SLMAP: variants seen among roughly 807,000 people sequenced by gnomAD.
The protein encoded by SLMAP is sarcolemmal membrane-associated protein.
A neutral mutation model predicts 128.8 loss-of-function variants in SLMAP; 44 were observed. The ratio of observed to expected loss-of-function variants is 0.34; its 90% confidence interval spans 0.27 to 0.44. The LOEUF is 0.44. SLMAP is among the 20% of genes least tolerant of loss of function. The probability of loss-of-function intolerance (pLI) is 1.00; values close to 1 mark genes in which losing one functional copy is unlikely to be tolerated. For synonymous variants in SLMAP, 327 were observed against 348.8 expected (o/e 0.94, Z 0.70); for missense variants, 787 against 985.3 (o/e 0.80, Z 2.69).
chr3:57,772,078 TA>T (rs1189214456), intron 2 of SLMAP, among the ~76,000 whole-genome samples: 1 of 152,326 alleles, frequency 6.6e-6, no homozygotes, highest in East Asian at 1.9e-4. Context: ...ATTGGAAAGC[TA>T]AAGCTAACTC....
chr3:57,865,161 C>T, intron 12 of SLMAP, 81 bp from the exon 13 acceptor site: 1 of 722,726 alleles, frequency 1.4e-6, no homozygotes, highest in Non-Finnish European at 2.3e-6. Flanking sequence ...CTTAGGAATG[C>T]AGAATGCCAT....
chr3:57,777,390 T>C (rs1224666193), intron 2 of SLMAP, among the ~76,000 whole-genome samples: 2 of 152,106 alleles, frequency 1.3e-5, no homozygotes, highest in African/African-American at 4.8e-5. Flanking sequence ...AAAAGATTAA[T>C]ACATTCAAAT....
intron 17 of SLMAP, among the ~76,000 whole-genome samples, chr3:57,904,710 C>A (rs983188774): frequency 6.6e-6 from 1 of 152,018 alleles, no homozygotes; most frequent in African/African-American, 2.4e-5. Context: ...GAGTTTATCT[C>A]CCAGGGGACA....
chr3:57,774,997 A>G (rs1225264616), intron 2 of SLMAP, among the ~76,000 whole-genome samples: 1 of 152,134 alleles, frequency 6.6e-6, no homozygotes, highest in Non-Finnish European at 1.5e-5. Flanking sequence ...TTATTCCCCA[A>G]ACCAAATATT....
At chr3:57,810,216 C>T (rs1006943880) in intron 2 of SLMAP, among the ~76,000 whole-genome samples, 2 of 152,296 alleles carry the variant, frequency 1.3e-5, no homozygotes, top group South Asian at 4.1e-4. Context: ...CTGGAGCTGC[C>T]CGCCCCACTG....
chr3:57,867,379 G>A (rs2095334648), intron 13 of SLMAP, among the ~76,000 whole-genome samples: 1 of 152,118 alleles, frequency 6.6e-6, no homozygotes, highest in African/African-American at 2.4e-5. Flanking sequence ...AGTTGGTTCA[G>A]ATGAAAATAA....
At chr3:57,816,064 A>G (rs767021956) in intron 2 of SLMAP, among the ~76,000 whole-genome samples, 7 of 152,336 alleles carry the variant, frequency 4.6e-5, no homozygotes, top group Middle Eastern at 3.4e-3. Flanking sequence ...CAAAGAGGTT[A>G]AGTAGGTTGC....
intron 4 of SLMAP, among the ~76,000 whole-genome samples, chr3:57,841,932 C>G (rs902765281): frequency 1.3e-5 from 2 of 152,068 alleles, no homozygotes; most frequent in African/African-American, 4.8e-5. Flanking sequence ...TTTTTAAAAG[C>G]ATATGTAAGT....
At chr3:57,904,075 C>T (rs559508711) in intron 17 of SLMAP, among the ~76,000 whole-genome samples, 1 of 152,082 alleles carries the variant, frequency 6.6e-6, no homozygotes, top group Non-Finnish European at 1.5e-5. Context: ...AAAAATGGCA[C>T]TTGGTTTTCT....
intron 17 of SLMAP, among the ~76,000 whole-genome samples, chr3:57,906,310 C>T (rs11708308): frequency 0.016 from 750 of 46,600 alleles, 4 homozygotes; most frequent in East Asian, 0.032. Context: ...CTTTTTTTTT[C>T]TTTTTTTTTT....
intron 2 of SLMAP, among the ~76,000 whole-genome samples, chr3:57,798,755 A>G (rs1192482835): frequency 1.3e-5 from 2 of 152,228 alleles, no homozygotes; most frequent in East Asian, 1.9e-4. Flanking sequence ...GTCAGCAACC[A>G]TATTGAAATT....
At chr3:57,910,536 C>T (rs1277370287) in intron 19 of SLMAP, among the ~76,000 whole-genome samples, 6 of 152,146 alleles carry the variant, frequency 3.9e-5, no homozygotes, top group African/African-American at 7.2e-5. Context: ...CACTGATTTT[C>T]GTTGATAATG....
intron 14 of SLMAP, among the ~76,000 whole-genome samples, chr3:57,881,215 A>G (rs1031374502): frequency 1.3e-5 from 2 of 152,126 alleles, no homozygotes; most frequent in Non-Finnish European, 2.9e-5. Flanking sequence ...GTTTTAAAAA[A>G]GAAGAAAGAA....
At chr3:57,789,724 T>G (rs1014578330) in intron 2 of SLMAP, among the ~76,000 whole-genome samples, 1 of 152,200 alleles carries the variant, frequency 6.6e-6, no homozygotes, top group Admixed American at 6.5e-5. Flanking sequence ...CAACACAAAT[T>G]AGAAATTCAG....
Position 57,927,277 on chromosome 3 carries a change from T to C in SLMAP, c.*7-19T>C. ...AGAGGGGAGAATGTGATATTGACTC[T>C]TGGTTTCTTTCCACACAGAAACCCT... On this transcript the variant is annotated intron_variant, in intron 24 of 24. Transcript: ENST00000671191. 1 of 1,568,010 alleles carries C rather than the reference T, an allele frequency of 6.4e-7. No individual in the cohort carries two copies. The highest frequency in any genetic ancestry group is 2.2e-5 in the East Asian group (1 of 44,450).
chr3:57,865,299 T>A lies in SLMAP; in HGVS notation c.1237+7T>A. The A allele has an allele frequency of 8.2e-7, 1 of 1,223,952 alleles. No individual in the cohort carries two copies. Among genetic ancestry groups the A allele is most frequent in the Non-Finnish European group, 1.2e-6 (1 of 861,852 alleles). The allele number at this position is 1,223,952 out of a possible 1,614,324, so 75.8% of individuals were successfully genotyped here. ...AATGGGAGCACAGAAAAAGGTAGTG[T>A]AAAAAACTTAAATATATATATACTT... On this transcript the variant is annotated splice_region_variant and intron_variant, in intron 13 of 24. Coordinates refer to ENST00000671191, the MANE Select transcript of SLMAP (RefSeq NM_001377540.1).
At chr3:57,884,186 C>T (rs1469927605) in intron 14 of SLMAP, among the ~76,000 whole-genome samples, 1 of 152,128 alleles carries the variant, frequency 6.6e-6, no homozygotes, top group Non-Finnish European at 1.5e-5. Flanking sequence ...GCCTCGGTCT[C>T]CCAATGTGCT....
At chr3:57,906,300 CTTTTTTTTTCTTTTTTTTTTTT>C (rs1289520357) in intron 17 of SLMAP, among the ~76,000 whole-genome samples, 1 of 71,290 alleles carries the variant, frequency 1.4e-5, no homozygotes, top group South Asian at 4.9e-4. Flanking sequence ...AAATTTTTTT[CTTTTTTTTTCTTTTTTTTTTTT>C]TTTTTTTTTT....
At position 57,927,371 on chromosome 3, in the gene SLMAP, G is replaced by T; in HGVS notation, c.*82G>T. ...CATCGTGCTGTACGTGCCAGGTCTG[G>T]CCAGAGCTTCTCCATGAGAGCGTTC... On this transcript the variant is annotated 3_prime_UTR_variant, in exon 25 of 25. Coordinates refer to ENST00000671191, the MANE Select transcript of SLMAP (RefSeq NM_001377540.1). 1 of 1,586,146 alleles carries T rather than the reference G, an allele frequency of 6.3e-7. No individual in the cohort carries two copies. Among genetic ancestry groups the T allele is most frequent in the Non-Finnish European group, 8.6e-7 (1 of 1,159,092 alleles).
Sources: allele counts gnomAD v4.1 joint callset (sites outside exome capture counted in the v4.1 genomes callset), GRCh38; gene constraint gnomAD v4.1.1; transcripts MANE v1.5; gene names NCBI Gene and HGNC (gene_info 2026-07-23, HGNC 2026-07-21).